RBFOX2: variants seen among roughly 807,000 people sequenced by gnomAD.
The protein encoded by RBFOX2 is RNA binding fox-1 homolog 2, also known as RNA binding protein fox-1 homolog 2.
Under a neutral mutation model 49.1 loss-of-function variants are expected in RBFOX2, and 10 were observed. The observed-to-expected ratio is 0.20, with a 90% CI of 0.13 to 0.35. RBFOX2 has a LOEUF of 0.35. Ranked by LOEUF, RBFOX2 falls within the 10% of genes least tolerant of loss-of-function variation. RBFOX2 has a pLI of 1.00. For missense variants in RBFOX2, 323 were observed against 486.9 expected (o/e 0.66, Z 3.17); for synonymous variants, 183 against 187.4 (o/e 0.98, Z 0.19).
chr22:36,025,950 G>T (rs767270570), intron 1 of RBFOX2, among the ~76,000 whole-genome samples: 1 of 152,080 alleles, frequency 6.6e-6, no homozygotes, highest in Non-Finnish European at 1.5e-5. Context: ...ATGACATAGG[G>T]GAATGGACCT....
chr22:35,804,770 A>G (rs1378076548), intron 2 of RBFOX2, among the ~76,000 whole-genome samples: 2 of 152,196 alleles, frequency 1.3e-5, no homozygotes, highest in African/African-American at 4.8e-5. Context: ...AGTCCTTTGG[A>G]CTGAAAGGAA....
At chr22:35,807,009 G>A (rs1330083335) in intron 2 of RBFOX2, among the ~76,000 whole-genome samples, 1 of 152,184 alleles carries the variant, frequency 6.6e-6, no homozygotes, top group African/African-American at 2.4e-5. Flanking sequence ...TCACCATGTT[G>A]GTCAGGCTGG....
At chr22:35,880,945 G>A (rs1050452013) in intron 1 of RBFOX2, among the ~76,000 whole-genome samples, 9 of 152,212 alleles carry the variant, frequency 5.9e-5, no homozygotes, top group Non-Finnish European at 1.2e-4. Flanking sequence ...GATGGTTACT[G>A]TAGGGGTAAT....
intron 4 of RBFOX2, among the ~76,000 whole-genome samples, chr22:35,774,631 T>C (rs1943458652): frequency 6.6e-6 from 1 of 151,948 alleles, no homozygotes; most frequent in African/African-American, 2.4e-5. Flanking sequence ...AAATCTAGAA[T>C]ATGAAGGCAA....
intron 1 of RBFOX2, among the ~76,000 whole-genome samples, chr22:36,001,143 T>TA (rs1400734131): frequency 6.6e-6 from 1 of 151,682 alleles, no homozygotes; most frequent in African/African-American, 2.4e-5. Flanking sequence ...ACACTTTATA[T>TA]ATTTAATTAC....
In RBFOX2 at chr22:35,860,738, G is replaced by A. The variant is rs532590132; in HGVS notation, c.-33-50734C>T. 2.6e-5 allele frequency among the ~76,000 whole-genome samples: 4 copies of A among 152,300 alleles called. No homozygotes were observed. In the East Asian group the frequency reaches 5.8e-4, roughly 22 times the overall value. Reference sequence around the variant, plus strand: ...TCTACAAATATCTGGCTAAGATTCTGATTGGGATATACACTGAATCTACAG... The same window carrying A: ...TCTACAAATATCTGGCTAAGATTCTAATTGGGATATACACTGAATCTACAG... On this transcript the variant is annotated intron_variant, in intron 1 of 13. Transcript: ENST00000359369.
intron 1 of RBFOX2, among the ~76,000 whole-genome samples, chr22:35,900,138 G>C (rs2048387996): frequency 6.6e-6 from 1 of 152,082 alleles, no homozygotes; most frequent in African/African-American, 2.4e-5. Context: ...TTTTGAGATG[G>C]AGTCTCACTC....
intron 1 of RBFOX2, among the ~76,000 whole-genome samples, chr22:35,820,014 G>A (rs907841497): frequency 6.6e-6 from 1 of 152,186 alleles, no homozygotes; most frequent in Non-Finnish European, 1.5e-5. Context: ...CTCATTCTAA[G>A]AACTAGGAAC....
At chr22:35,922,942 C>T (rs2051189364) in intron 1 of RBFOX2, among the ~76,000 whole-genome samples, 1 of 152,140 alleles carries the variant, frequency 6.6e-6, no homozygotes, top group Admixed American at 6.5e-5. Context: ...AAATGTGACA[C>T]CTGAACCTTC....
chr22:35,932,399 A>G (rs1476367776), intron 1 of RBFOX2, among the ~76,000 whole-genome samples: 1 of 152,180 alleles, frequency 6.6e-6, no homozygotes. Context: ...TTACCCTCTT[A>G]TTAAAAGTAA....
At chr22:35,745,943 T>C (rs1461445570) in exon 11 of RBFOX2, 2 of 1,613,882 alleles carry the variant, frequency 1.2e-6, no homozygotes, top group Admixed American at 3.3e-5. Flanking sequence ...ACTCCATAGC[T>C]AGCGGCAGGG....
At chr22:35,836,965 A>G (rs1031337592) in intron 1 of RBFOX2, among the ~76,000 whole-genome samples, 1 of 152,242 alleles carries the variant, frequency 6.6e-6, no homozygotes, top group Non-Finnish European at 1.5e-5. Context: ...TGCCCAAAAA[A>G]TAAGAGATCT....
chr22:35,833,510 ATCTC>A (rs142241379), intron 1 of RBFOX2, among the ~76,000 whole-genome samples: 1 of 152,146 alleles, frequency 6.6e-6, no homozygotes, highest in African/African-American at 2.4e-5. Context: ...TTTGAAACCT[ATCTC>A]TCTCTGTTTC....
intron 4 of RBFOX2, among the ~76,000 whole-genome samples, chr22:35,771,231 G>T (rs1315628612): frequency 6.6e-6 from 1 of 152,184 alleles, no homozygotes; most frequent in Non-Finnish European, 1.5e-5. Context: ...TGGGCCCAAT[G>T]TAATACAGTG....
intron 1 of RBFOX2, among the ~76,000 whole-genome samples, chr22:35,891,415 G>A (rs996787821): frequency 6.6e-6 from 1 of 151,930 alleles, no homozygotes; most frequent in Non-Finnish European, 1.5e-5. Flanking sequence ...TTACAGGCGT[G>A]AGCCACTAAG....
intron 2 of RBFOX2, among the ~76,000 whole-genome samples, chr22:35,800,558 G>A (rs1160305710): frequency 1.3e-5 from 2 of 152,108 alleles, no homozygotes; most frequent in African/African-American, 4.8e-5. Context: ...ATTGAGAACT[G>A]ACGTTCTTAA....
intron 1 of RBFOX2, among the ~76,000 whole-genome samples, chr22:35,826,938 G>A (rs981896321): frequency 6.6e-6 from 1 of 152,122 alleles, no homozygotes; most frequent in Non-Finnish European, 1.5e-5. Flanking sequence ...GTTGATCATG[G>A]GTAATTGAAA....
chr22:35,783,551 C>G, intron 2 of RBFOX2, among the ~76,000 whole-genome samples: 1 of 151,904 alleles, frequency 6.6e-6, no homozygotes. Flanking sequence ...TTTGGGGGGG[C>G]ACAGCGTGGA....
chr22:35,901,360 A>C (rs1212080033), intron 1 of RBFOX2, among the ~76,000 whole-genome samples: 1 of 152,218 alleles, frequency 6.6e-6, no homozygotes, highest in Non-Finnish European at 1.5e-5. Context: ...TTTAAATAAC[A>C]AATGAAGCCA....
Sources: gnomAD v4.1 joint callset for allele counts (sites outside exome capture counted in the v4.1 genomes callset) on GRCh38, gnomAD v4.1.1 for gene constraint, MANE v1.5 for transcripts, NCBI Gene and HGNC (gene_info 2026-07-23, HGNC 2026-07-21) for gene names.